Variants in ANKDD1B observed in about 807,000 individuals in gnomAD.
ANKDD1B encodes the protein ankyrin repeat and death domain containing 1B.
In ANKDD1B, 57 loss-of-function variants were observed where a neutral mutation model predicts 59.7. That is an observed-to-expected ratio of 0.95 (90% CI 0.77 to 1.19). The LOEUF is 1.19. Ranked by LOEUF, ANKDD1B falls within the 50% of genes most tolerant of loss-of-function variation. The pLI is 0.00. For synonymous variants in ANKDD1B, 216 were observed against 239.5 expected (o/e 0.90, Z 0.91); for missense variants, 602 against 641.9 (o/e 0.94, Z 0.67).
At chr5:75,620,808 GC>G (rs1418811380) in intron 3 of ANKDD1B, among the ~76,000 whole-genome samples, 4 of 152,140 alleles carry the variant, frequency 2.6e-5, no homozygotes, top group African/African-American at 9.7e-5. Flanking sequence ...TCAGGGGTAA[GC>G]CCAGGAGCAC....
chr5:75,627,375 G>A (rs1023564801), intron 5 of ANKDD1B, among the ~76,000 whole-genome samples: 2 of 152,024 alleles, frequency 1.3e-5, no homozygotes, highest in Non-Finnish European at 2.9e-5. Flanking sequence ...CTATGCAAAT[G>A]CGCTTCGTGG....
At chr5:75,640,388 A>G (rs1420261117) in intron 7 of ANKDD1B, among the ~76,000 whole-genome samples, 1 of 152,158 alleles carries the variant, frequency 6.6e-6, no homozygotes, top group Non-Finnish European at 1.5e-5. Flanking sequence ...TATCTGTAAC[A>G]TGTGGATAAT....
At chr5:75,618,907 G>A (rs1303924718) in intron 2 of ANKDD1B, among the ~76,000 whole-genome samples, 8 of 151,996 alleles carry the variant, frequency 5.3e-5, no homozygotes, top group East Asian at 3.9e-4. Context: ...CACCACACCC[G>A]GCTAATTTTT....
intron 10 of ANKDD1B, among the ~76,000 whole-genome samples, chr5:75,661,012 G>T (rs1775121884): frequency 6.6e-6 from 1 of 151,742 alleles, no homozygotes; most frequent in African/African-American, 2.4e-5. Flanking sequence ...ACATGTGTAG[G>T]ATCTAAAGTA....
chr5:75,649,599 G>A (rs1030239574), intron 7 of ANKDD1B, among the ~76,000 whole-genome samples: 3 of 152,118 alleles, frequency 2.0e-5, no homozygotes, highest in Admixed American at 6.5e-5. Flanking sequence ...CCTGCTTTGA[G>A]TTTCTTGTAA....
At chr5:75,637,624 ATATT>A (rs1436697572) in intron 7 of ANKDD1B, among the ~76,000 whole-genome samples, 3 of 152,342 alleles carry the variant, frequency 2.0e-5, no homozygotes, top group East Asian at 3.9e-4. Flanking sequence ...ATCACTTAAA[ATATT>A]TATTTTATGC....
chr5:75,618,110 GAAAA>G (rs1194112049), intron 2 of ANKDD1B, among the ~76,000 whole-genome samples: 1 of 142,788 alleles, frequency 7.0e-6, no homozygotes, highest in Non-Finnish European at 1.5e-5. Flanking sequence ...GGGACAAAAA[GAAAA>G]AAAAAGAAAG....
rs1252135917 is a variant in ANKDD1B at position 75,671,738 on chromosome 5, A to T, written c.*698A>T. ...AAATCTCTTGGTGATGTAATTACAG[A>T]TGATTATTTTCTTTGTACTTTTGGG... On this transcript the variant is annotated 3_prime_UTR_variant, in exon 14 of 14. Transcript: ENST00000601380. The T allele has an allele frequency of 1.3e-5, 2 of 150,812 alleles. No homozygotes were observed. The highest frequency in any genetic ancestry group is 3.0e-5 in the Non-Finnish European group (2 of 67,682). 9.3% of individuals were successfully genotyped at this position (150,812 alleles called of 1,614,324 possible).
intron 7 of ANKDD1B, among the ~76,000 whole-genome samples, chr5:75,640,250 GC>G (rs1774429995): frequency 6.6e-6 from 1 of 152,048 alleles, no homozygotes; most frequent in Non-Finnish European, 1.5e-5. Flanking sequence ...TTGCCACGTT[GC>G]CCAGGCTGGT....
chr5:75,664,386 T>C (rs1022779480), intron 11 of ANKDD1B, among the ~76,000 whole-genome samples: 14 of 152,242 alleles, frequency 9.2e-5, no homozygotes. Flanking sequence ...CTTGCAACTT[T>C]TCTTGCCTGT....
intron 9 of ANKDD1B, among the ~76,000 whole-genome samples, chr5:75,656,455 A>G (rs1231920114): frequency 6.6e-6 from 1 of 152,212 alleles, no homozygotes; most frequent in African/African-American, 2.4e-5. Context: ...CCCCAGAGTG[A>G]AATATTGTAA....
At chr5:75,626,974 T>A (rs2112967205) in intron 5 of ANKDD1B, among the ~76,000 whole-genome samples, 1 of 152,328 alleles carries the variant, frequency 6.6e-6, no homozygotes, top group East Asian at 1.9e-4. Flanking sequence ...CACCTGTTTT[T>A]AAAAATTTTG....
chr5:75,616,982 TAATAAA>T (rs2112953270), intron 2 of ANKDD1B, 75 bp downstream of exon 2: 2 of 641,086 alleles, frequency 3.1e-6, no homozygotes, highest in Middle Eastern at 3.2e-4. Flanking sequence ...TCTGAAATAA[TAATAAA>T]AATAAAAATC....
chr5:75,622,747 A>C (rs75238903), intron 3 of ANKDD1B, among the ~76,000 whole-genome samples: 57 of 152,300 alleles, frequency 3.7e-4, no homozygotes, highest in Admixed American at 1.2e-3. Flanking sequence ...GAGCTTCGTG[A>C]GCCAACTGTG....
At chr5:75,617,821 G>A (rs1395296346) in intron 2 of ANKDD1B, among the ~76,000 whole-genome samples, 1 of 152,154 alleles carries the variant, frequency 6.6e-6, no homozygotes, top group African/African-American at 2.4e-5. Context: ...TCTAAACTCA[G>A]GTTTCACAAA....
chr5:75,642,169 A>T (rs1009318681), intron 7 of ANKDD1B, among the ~76,000 whole-genome samples: 1 of 152,244 alleles, frequency 6.6e-6, no homozygotes, highest in Admixed American at 6.5e-5. Context: ...GTGTGAGTTG[A>T]TTCCCACTGA....
intron 8 of ANKDD1B, among the ~76,000 whole-genome samples, chr5:75,655,420 G>C (rs190430518): frequency 1.1e-3 from 163 of 152,304 alleles, no homozygotes; most frequent in African/African-American, 3.7e-3. Flanking sequence ...AGGAGTCGGG[G>C]CTCCAGAGCA....
intron 2 of ANKDD1B, among the ~76,000 whole-genome samples, chr5:75,617,244 T>C (rs978945667): frequency 2.6e-5 from 4 of 152,208 alleles, no homozygotes; most frequent in Admixed American, 6.5e-5. Flanking sequence ...GCCTCACACA[T>C]TCTGGAAAGG....
chr5:75,659,442 G>T, intron 10 of ANKDD1B, 61 bp downstream of exon 10: 1 of 1,192,720 alleles, frequency 8.4e-7, no homozygotes, highest in Non-Finnish European at 1.2e-6. Context: ...CCTGTTGGAT[G>T]TCAGCCTTGA....
Sources: allele counts gnomAD v4.1 joint callset (sites outside exome capture counted in the v4.1 genomes callset), GRCh38; gene constraint gnomAD v4.1.1; transcripts MANE v1.5; gene names NCBI Gene and HGNC (gene_info 2026-07-23, HGNC 2026-07-21).